The following PDZRN3 variants were observed in gnomAD, a reference collection of about 807,000 sequenced individuals.
PDZRN3 encodes E3 ubiquitin-protein ligase PDZRN3.
A neutral mutation model predicts 85.7 loss-of-function variants in PDZRN3; 38 were observed. The observed-to-expected ratio is 0.44, with a 90% CI of 0.34 to 0.58. The LOEUF is 0.58. Among genes scored for constraint, PDZRN3 ranks in the 20% least tolerant of loss-of-function variants. The pLI, the probability that PDZRN3 is intolerant of heterozygous loss-of-function variation, is 0.01. For synonymous variants in PDZRN3, 759 were observed against 638.0 expected, an observed-to-expected ratio of 1.19 and a Z score of -2.86; for missense variants, 1,629 against 1,506.4, an observed-to-expected ratio of 1.08 and a Z score of -1.35.
At chr3:73,411,425 AG>A (rs1225824534) in intron 3 of PDZRN3, among the ~76,000 whole-genome samples, 1 of 152,238 alleles carries the variant, frequency 6.6e-6, no homozygotes, top group Admixed American at 6.5e-5. Context: ...ACTTCTCTGT[AG>A]TACCCCTGCT....
chr3:73,532,230 T>G (rs1374641315), intron 3 of PDZRN3, among the ~76,000 whole-genome samples: 1 of 152,104 alleles, frequency 6.6e-6, no homozygotes, highest in Non-Finnish European at 1.5e-5. Flanking sequence ...CTCGATCTCC[T>G]GACCTCGTGA....
chr3:73,457,326 GC>G (rs1379737286), intron 3 of PDZRN3, among the ~76,000 whole-genome samples: 1 of 152,150 alleles, frequency 6.6e-6, no homozygotes, highest in South Asian at 2.1e-4. Context: ...ACGTGCCTCA[GC>G]CTTCCAAAGT....
At chr3:73,600,183 A>G (rs142748590) in intron 3 of PDZRN3, among the ~76,000 whole-genome samples, 60 of 152,242 alleles carry the variant, frequency 3.9e-4, no homozygotes, top group African/African-American at 1.3e-3. Context: ...TCTGGATTTA[A>G]TAATACCCCT....
intron 3 of PDZRN3, among the ~76,000 whole-genome samples, chr3:73,441,021 C>T (rs1702625461): frequency 6.6e-6 from 1 of 152,156 alleles, no homozygotes; most frequent in Non-Finnish European, 1.5e-5. Context: ...GGTCGGCAAA[C>T]TTTTTCTAGA....
At chr3:73,569,933 A>AAGGCAGGAGGC (rs1175826615) in intron 3 of PDZRN3, among the ~76,000 whole-genome samples, 1 of 152,186 alleles carries the variant, frequency 6.6e-6, no homozygotes, top group Non-Finnish European at 1.5e-5. Flanking sequence ...TTTAGGATAA[A>AAGGCAGGAGGC]AGGCAGGAGG....
intron 3 of PDZRN3, among the ~76,000 whole-genome samples, chr3:73,575,595 T>A (rs1702111601): frequency 6.6e-6 from 1 of 152,218 alleles, no homozygotes; most frequent in South Asian, 2.1e-4. Context: ...TAAAAAATGC[T>A]TATAGACAAA....
At chr3:73,405,800 G>A (rs1363214777) in intron 3 of PDZRN3, among the ~76,000 whole-genome samples, 1 of 152,202 alleles carries the variant, frequency 6.6e-6, no homozygotes, top group African/African-American at 2.4e-5. Context: ...GGACTTCAAA[G>A]CATGCTGACA....
At chr3:73,425,553 C>G (rs1029708878) in intron 3 of PDZRN3, among the ~76,000 whole-genome samples, 13 of 151,494 alleles carry the variant, frequency 8.6e-5, no homozygotes, top group Admixed American at 7.2e-4. Flanking sequence ...CCATCCTTTA[C>G]CAGTCTGTCA....
chr3:73,623,846 T>C (rs1395210850), intron 1 of PDZRN3: 1 of 377,862 alleles, frequency 2.6e-6, no homozygotes, highest in African/African-American at 2.1e-5. Flanking sequence ...GAATTCTTTT[T>C]CGTCCTTCCA....
chr3:73,384,548 G>A lies in PDZRN3; in HGVS notation c.2018C>T (p.Ala673Val). ...CACGCTCTCAGGGTCACTCTTGCCG[G>A]CGTCCAGGGGGCCGCTAGGGTAGTA... ...GLYYPSGPLD[A>V]GKSDPESVDK... The change falls in exon 10 of 10, where the codon GCC (alanine) becomes GTC (valine). Residue 673 changes from alanine to valine, a missense_variant. Physicochemically the swap from Ala to Val is moderately conservative, Grantham distance 64 (BLOSUM62 0). Coordinates refer to ENST00000263666, the MANE Select transcript of PDZRN3 (RefSeq NM_015009.3). The A allele has an allele frequency of 6.2e-7, 1 of 1,613,682 alleles. No individual in the cohort carries two copies. Among genetic ancestry groups the A allele is most frequent in the Non-Finnish European group, 8.5e-7 (1 of 1,180,036 alleles).
At chr3:73,552,225 A>AGTGTGTGTGTGT (rs55784793) in intron 3 of PDZRN3, among the ~76,000 whole-genome samples, 61 of 147,868 alleles carry the variant, frequency 4.1e-4, no homozygotes, top group African/African-American at 1.2e-3. Context: ...GAATTAAAGG[A>AGTGTGTGTGTGT]GTGTGTGTGT....
intron 3 of PDZRN3, among the ~76,000 whole-genome samples, chr3:73,433,098 G>C (rs544261805): frequency 6.6e-6 from 1 of 152,276 alleles, no homozygotes; most frequent in East Asian, 1.9e-4. Context: ...ACTTGCTTTT[G>C]AAGTTCTTAA....
chr3:73,594,173 T>C (rs766324611), intron 3 of PDZRN3, among the ~76,000 whole-genome samples: 3 of 152,108 alleles, frequency 2.0e-5, no homozygotes, highest in Non-Finnish European at 4.4e-5. Context: ...GCACAGTCAT[T>C]AGAAAGAAAT....
At chr3:73,602,786 C>CT (rs543236611) in intron 2 of PDZRN3, among the ~76,000 whole-genome samples, 5 of 152,172 alleles carry the variant, frequency 3.3e-5, no homozygotes, top group Non-Finnish European at 7.4e-5. Flanking sequence ...GCATTTGTTC[C>CT]TTTTTGCATA....
chr3:73,576,106 A>ACT (rs963262333), intron 3 of PDZRN3, among the ~76,000 whole-genome samples: 6 of 145,266 alleles, frequency 4.1e-5, no homozygotes, highest in South Asian at 2.1e-4. Flanking sequence ...ATGCATGCAT[A>ACT]CTCTCTCTCA....
intron 3 of PDZRN3, among the ~76,000 whole-genome samples, chr3:73,534,873 A>G (rs1575717420): frequency 6.6e-6 from 1 of 152,208 alleles, no homozygotes; most frequent in Non-Finnish European, 1.5e-5. Flanking sequence ...TACAAAGGAC[A>G]GCATTGAGCA....
chr3:73,429,897 C>T (rs557859763), intron 3 of PDZRN3, among the ~76,000 whole-genome samples: 3 of 152,182 alleles, frequency 2.0e-5, no homozygotes, highest in Non-Finnish European at 4.4e-5. Flanking sequence ...GGACCAGCAA[C>T]CCCGTAGGAA....
rs769328856 is a variant in PDZRN3 at position 73,383,713 on chromosome 3, C to G, written c.2853G>C (p.Arg951=). Reference sequence around the variant, plus strand: ...CGGTGGTCATGCCGCTGCGCTCTTCCCGGATCTTCAGGGCGCGCTCCCGCA... The same window carrying G: ...CGGTGGTCATGCCGCTGCGCTCTTCGCGGATCTTCAGGGCGCGCTCCCGCA... ...RLLRERALKI[R]EERSGMTTDD... The change falls in exon 10 of 10, where the codon CGG becomes CGC. Residue 951 remains arginine, a synonymous_variant. Transcript: ENST00000263666. The G allele has an allele frequency of 1.1e-5, 17 of 1,611,742 alleles. No individual in the cohort carries two copies. Among genetic ancestry groups the G allele is most frequent in the Non-Finnish European group, 1.4e-5 (17 of 1,180,040 alleles).
chr3:73,600,780 T>C (rs1253936429), intron 3 of PDZRN3, among the ~76,000 whole-genome samples: 2 of 152,192 alleles, frequency 1.3e-5, no homozygotes, highest in African/African-American at 2.4e-5. Context: ...CTTATCTTTT[T>C]GAACAATAGT....
Sources: allele counts gnomAD v4.1 joint callset (sites outside exome capture counted in the v4.1 genomes callset), GRCh38; gene constraint gnomAD v4.1.1; transcripts MANE v1.5; gene names NCBI Gene and HGNC (gene_info 2026-07-23, HGNC 2026-07-21).